The following PDE4B variants were observed in gnomAD, a reference collection of about 807,000 sequenced individuals.
The protein encoded by PDE4B is phosphodiesterase 4B, also known as 3',5'-cyclic-AMP phosphodiesterase 4B.
Under a neutral mutation model 82.2 loss-of-function variants are expected in PDE4B, and 20 were observed. The observed-to-expected ratio is 0.24, with a 90% CI of 0.17 to 0.35. PDE4B has a LOEUF of 0.35. Among genes scored for constraint, PDE4B ranks in the 10% least tolerant of loss-of-function variants. The pLI is 1.00. For synonymous variants in PDE4B, 320 were observed against 318.9 expected (o/e 1.00, Z -0.04); for missense variants, 655 against 907.2 (o/e 0.72, Z 3.57).
intron 3 of PDE4B, among the ~76,000 whole-genome samples, chr1:65,921,642 G>C (rs1269358268): frequency 6.6e-6 from 1 of 152,194 alleles, no homozygotes; most frequent in Non-Finnish European, 1.5e-5. Context: ...ATTGTGAAAG[G>C]AGCCATAGCC....
At chr1:66,112,117 G>A (rs1645500894) in intron 3 of PDE4B, among the ~76,000 whole-genome samples, 1 of 152,050 alleles carries the variant, frequency 6.6e-6, no homozygotes, top group Non-Finnish European at 1.5e-5. Flanking sequence ...AATCTCCCGA[G>A]GTGCTGGGAG....
chr1:65,911,518 C>CTT (rs953774896), intron 1 of PDE4B, among the ~76,000 whole-genome samples: 3 of 146,848 alleles, frequency 2.0e-5, no homozygotes, highest in African/African-American at 7.5e-5. Context: ...GGAGTCTGAA[C>CTT]TTTTTTTTTT....
At chr1:65,924,831 A>C (rs757749658) in intron 3 of PDE4B, among the ~76,000 whole-genome samples, 1 of 152,246 alleles carries the variant, frequency 6.6e-6, no homozygotes, top group African/African-American at 2.4e-5. Flanking sequence ...TATTTATAAC[A>C]TGTCAGTTTG....
chr1:66,142,212 G>T (rs1646186732), intron 3 of PDE4B, among the ~76,000 whole-genome samples: 1 of 152,088 alleles, frequency 6.6e-6, no homozygotes, highest in African/African-American at 2.4e-5. Flanking sequence ...TGCTGTCTCA[G>T]GGGTGGCAGA....
At chr1:66,123,256 A>G (rs1191064209) in intron 3 of PDE4B, among the ~76,000 whole-genome samples, 4 of 152,216 alleles carry the variant, frequency 2.6e-5, no homozygotes, top group Non-Finnish European at 5.9e-5. Flanking sequence ...TTCAACGTGT[A>G]TGATAAGTGA....
At chr1:65,838,687 AG>A (rs1646173469) in intron 1 of PDE4B, among the ~76,000 whole-genome samples, 1 of 150,920 alleles carries the variant, frequency 6.6e-6, no homozygotes, top group Admixed American at 6.6e-5. Flanking sequence ...TTATTGTAGG[AG>A]CAGATAGTGC....
chr1:66,247,202 AT>A (rs1394317139), intron 3 of PDE4B, among the ~76,000 whole-genome samples: 1 of 152,164 alleles, frequency 6.6e-6, no homozygotes, highest in South Asian at 2.1e-4. Flanking sequence ...CTGGGTTCAA[AT>A]TCTGGCTCCA....
At chr1:66,129,698 A>AAAAAAAAAAAC (rs1645900771) in intron 3 of PDE4B, among the ~76,000 whole-genome samples, 2 of 32,458 alleles carry the variant, frequency 6.2e-5, no homozygotes, top group African/African-American at 1.5e-4. Context: ...ACAAAAAAAC[A>AAAAAAAAAAAC]AAAAAAAAAA....
intron 3 of PDE4B, among the ~76,000 whole-genome samples, chr1:66,026,073 A>C (rs1260577923): frequency 6.6e-6 from 1 of 152,202 alleles, no homozygotes; most frequent in Non-Finnish European, 1.5e-5. Flanking sequence ...AAAAATGTAA[A>C]TATCTGCAAC....
intron 1 of PDE4B, among the ~76,000 whole-genome samples, chr1:65,878,408 T>G (rs1343216373): frequency 1.3e-5 from 2 of 152,176 alleles, no homozygotes; most frequent in Non-Finnish European, 2.9e-5. Flanking sequence ...TATATATCAT[T>G]CTACTATAAA....
intron 7 of PDE4B, among the ~76,000 whole-genome samples, chr1:66,330,098 T>A (rs1311940873): frequency 6.6e-6 from 1 of 152,256 alleles, no homozygotes; most frequent in African/African-American, 2.4e-5. Context: ...GTTGCCATGA[T>A]AGGAAGACTA....
chr1:66,239,950 T>C (rs1026993786), intron 3 of PDE4B, among the ~76,000 whole-genome samples: 4 of 152,244 alleles, frequency 2.6e-5, no homozygotes, highest in African/African-American at 9.6e-5. Flanking sequence ...GAAGTACTTG[T>C]GGCATTTCCA....
intron 1 of PDE4B, among the ~76,000 whole-genome samples, chr1:65,854,930 A>T (rs1160437301): frequency 1.3e-5 from 2 of 151,124 alleles, no homozygotes; most frequent in Admixed American, 6.6e-5. Flanking sequence ...TCTTTTTTGG[A>T]TATGTTTTCA....
intron 4 of PDE4B, among the ~76,000 whole-genome samples, chr1:66,251,817 A>G (rs1553163120): frequency 6.6e-6 from 1 of 152,176 alleles, no homozygotes; most frequent in Non-Finnish European, 1.5e-5. Flanking sequence ...GTGGTGAAAA[A>G]CAAGACTGGA....
At chr1:66,080,188 G>T (rs1419532603) in intron 3 of PDE4B, among the ~76,000 whole-genome samples, 1 of 152,100 alleles carries the variant, frequency 6.6e-6, no homozygotes, top group African/African-American at 2.4e-5. Context: ...CTGTGGTTTT[G>T]TGCCATGGCA....
intron 3 of PDE4B, among the ~76,000 whole-genome samples, chr1:65,935,873 G>T (rs950277125): frequency 1.3e-5 from 2 of 152,018 alleles, no homozygotes; most frequent in Admixed American, 1.3e-4. Flanking sequence ...GGAGGCGGAG[G>T]TTGCGGTGAG....
chr1:65,915,661 G>A (rs1386480917), intron 2 of PDE4B, among the ~76,000 whole-genome samples: 2 of 152,096 alleles, frequency 1.3e-5, no homozygotes, highest in Non-Finnish European at 2.9e-5. Context: ...TTCGATATGG[G>A]GATATGACAA....
Position 66,047,962 on chromosome 1 carries a change from C to T in PDE4B, c.281+129127C>T, listed in dbSNP as rs937161991. The stretch of plus-strand genomic sequence containing the variant: ...GAGCTAATGGCTGTTAAGTGACAGA[C>T]GAATCATTTCCACAGAGCATGCATA... On this transcript the variant is annotated intron_variant, in intron 3 of 16. Transcript: ENST00000341517. 2.6e-5 allele frequency among the ~76,000 whole-genome samples: 4 copies of T among 151,878 alleles called. No homozygotes were observed. In the East Asian group the frequency reaches 5.8e-4, roughly 22 times the overall value.
At chr1:66,058,260 T>C (rs753707581) in intron 3 of PDE4B, among the ~76,000 whole-genome samples, 2 of 152,206 alleles carry the variant, frequency 1.3e-5, no homozygotes, top group Non-Finnish European at 2.9e-5. Flanking sequence ...GCAGCTCCAC[T>C]CCTCTGGCTT....
Sources: gnomAD v4.1 joint callset for allele counts (sites outside exome capture counted in the v4.1 genomes callset) on GRCh38, gnomAD v4.1.1 for gene constraint, MANE v1.5 for transcripts, NCBI Gene and HGNC (gene_info 2026-07-23, HGNC 2026-07-21) for gene names.